The following XYLB variants were observed in gnomAD, a reference collection of about 807,000 sequenced individuals.
The protein encoded by XYLB is xylulokinase.
A neutral mutation model predicts 78.7 loss-of-function variants in XYLB; 62 were observed. The observed-to-expected ratio is 0.79, with a 90% confidence interval of 0.64 to 0.97. XYLB has a LOEUF of 0.97. Ranked by LOEUF, XYLB falls within the 50% of genes least tolerant of loss-of-function variation. The pLI is 0.00. For missense variants in XYLB, 687 were observed against 676.8 expected (o/e 1.02, Z -0.17); for synonymous variants, 245 against 247.4 (o/e 0.99, Z 0.09).
At position 38,410,075 on chromosome 3, in the gene XYLB, A is replaced by G. The variant is rs1474717357; in HGVS notation, c.1534-2861A>G. On this transcript the variant is annotated intron_variant, in intron 18 of 18. Transcript: ENST00000207870. ...AACCAAAAAAGAGCCCGCATCGCCA[A>G]GTCAATCCTAAGCCAAAAGAACAAA... Among the ~76,000 whole-genome samples, 4 of 152,236 alleles carry G rather than the reference A, an allele frequency of 2.6e-5. No homozygotes were observed. In the East Asian group the frequency reaches 7.7e-4, roughly 29 times the overall value.
At position 38,351,120 on chromosome 3, in the gene XYLB, C is replaced by T. The variant is rs532127497; in HGVS notation, c.140+2488C>T. Among the ~76,000 whole-genome samples the T allele has an allele frequency of 3.0e-5, 4 of 131,972 alleles. No individual in the cohort carries two copies. In the East Asian group the frequency reaches 9.0e-4, roughly 30 times the overall value. 86.6% of individuals were successfully genotyped at this position (131,972 alleles called of 152,430 possible). A position where few individuals can be genotyped will look rare whatever the true frequency, so the allele number is the denominator to read the frequency against. On this transcript the variant is annotated intron_variant, in intron 2 of 18. Coordinates refer to ENST00000207870, the MANE Select transcript of XYLB (RefSeq NM_005108.4). ...TGTGGAGAGGGAGGTTTCGGTGAGC[C>T]AAGATCGCGCCACTGCACTCCAGCC... is the stretch of plus-strand genomic sequence containing the variant.
At chr3:38,409,538 G>A (rs1339196073) in intron 18 of XYLB, among the ~76,000 whole-genome samples, 1 of 152,158 alleles carries the variant, frequency 6.6e-6, no homozygotes, top group African/African-American at 2.4e-5. Flanking sequence ...TCTGGCCAGG[G>A]CAATTAGGCA....
chr3:38,357,775 A>G (rs183029976), intron 2 of XYLB, among the ~76,000 whole-genome samples: 1 of 28,266 alleles, frequency 3.5e-5, no homozygotes, highest in Non-Finnish European at 7.1e-5. Flanking sequence ...TTTGATTTGC[A>G]TTTATCTAAT....
intron 17 of XYLB, among the ~76,000 whole-genome samples, chr3:38,397,598 T>G (rs572131346): frequency 1.2e-3 from 177 of 152,176 alleles, no homozygotes; most frequent in African/African-American, 4.1e-3. Context: ...TGGAGCCCTG[T>G]TGCCCTGTTG....
intron 18 of XYLB, among the ~76,000 whole-genome samples, chr3:38,407,630 A>G (rs1476734788): frequency 2.0e-5 from 3 of 152,328 alleles, no homozygotes; most frequent in African/African-American, 4.8e-5. Context: ...TGCTGTATTC[A>G]GGAAACCCAT....
the XYLB span, among the ~76,000 whole-genome samples, chr3:38,444,058 T>C: frequency 6.6e-6 from 1 of 152,228 alleles, no homozygotes; most frequent in Admixed American, 6.5e-5. Flanking sequence ...ATCTCCAAAC[T>C]CTCGGGTTGC....
At chr3:38,363,930 C>T (rs1378850355) in intron 4 of XYLB, among the ~76,000 whole-genome samples, 5 of 152,150 alleles carry the variant, frequency 3.3e-5, no homozygotes, top group Non-Finnish European at 7.4e-5. Context: ...TCTGAAGATG[C>T]TTCTTCCTCC....
In XYLB at chr3:38,380,481, T is replaced by C. The variant is rs140434111; in HGVS notation, c.1291+1139T>C. ...CTATAGCTGTTGTCATTAGAGAAGA[T>C]AGTGAAGCTGCTTTGCTTGAGGGCC... On this transcript the variant is annotated intron_variant, in intron 15 of 18. Coordinates refer to ENST00000207870, the MANE Select transcript of XYLB (RefSeq NM_005108.4). Among the ~76,000 whole-genome samples, 1,315 of 152,276 alleles carry C rather than the reference T, an allele frequency of 8.6e-3. 18 individuals are homozygous for C. Among genetic ancestry groups the C allele is most frequent in the African/African-American group, 0.029 (1,219 of 41,544 alleles).
At position 38,351,171 on chromosome 3, in the gene XYLB, C is replaced by CAAAAAAAAAAAAAAAAAAA. The variant is rs58457623; in HGVS notation, c.140+2549_140+2567dup. 1.2e-3 allele frequency among the ~76,000 whole-genome samples: 28 copies of CAAAAAAAAAAAAAAAAAAA among 23,082 alleles called. 1 individual carries two copies. The highest frequency in any genetic ancestry group is 3.3e-3 in the East Asian group (3 of 898). 15.1% of individuals were successfully genotyped at this position (23,082 alleles called of 152,430 possible). On this transcript the variant is annotated intron_variant, in intron 2 of 18. Transcript: ENST00000207870. The stretch of plus-strand genomic sequence containing the variant: ...TGGACAACAGAGGGAGAGCCTGTCT[C>CAAAAAAAAAAAAAAAAAAA]AAAAAAAAAAAAAAAAAAAAAAAAA...
intron 3 of XYLB, among the ~76,000 whole-genome samples, chr3:38,361,339 G>A (rs904279312): frequency 6.6e-6 from 1 of 152,218 alleles, no homozygotes; most frequent in Admixed American, 6.5e-5. Flanking sequence ...CTGGAGGCCA[G>A]CTAAGTGTGT....
At chr3:38,447,171 T>C in the XYLB span, among the ~76,000 whole-genome samples, 2 of 152,104 alleles carry the variant, frequency 1.3e-5, no homozygotes, top group African/African-American at 4.8e-5. Flanking sequence ...TATGAAAAAA[T>C]GCTCAATGTC....
intron 9 of XYLB, among the ~76,000 whole-genome samples, chr3:38,371,196 A>G (rs1035448354): frequency 2.0e-5 from 3 of 151,630 alleles, no homozygotes; most frequent in African/African-American, 7.3e-5. Context: ...GCAGCCACCA[A>G]CTCCTGGGCT....
the XYLB span, among the ~76,000 whole-genome samples, chr3:38,428,766 G>T: frequency 6.6e-6 from 1 of 152,106 alleles, no homozygotes; most frequent in South Asian, 2.1e-4. Flanking sequence ...TATTGATGTG[G>T]TTTCTTTAAA....
chr3:38,411,710 T>A (rs1025910749), intron 18 of XYLB, among the ~76,000 whole-genome samples: 1 of 151,894 alleles, frequency 6.6e-6, no homozygotes, highest in Non-Finnish European at 1.5e-5. Flanking sequence ...ACTTTCTAGC[T>A]CTGTTTTCCT....
At chr3:38,369,158 G>T (rs1327920910) in intron 8 of XYLB, among the ~76,000 whole-genome samples, 3 of 152,138 alleles carry the variant, frequency 2.0e-5, no homozygotes, top group Non-Finnish European at 2.9e-5. Flanking sequence ...GGAAGTTTTC[G>T]AGGGCTGTTG....
At chr3:38,441,345 G>T in the XYLB span, among the ~76,000 whole-genome samples, 1 of 152,354 alleles carries the variant, frequency 6.6e-6, no homozygotes, top group East Asian at 1.9e-4. Context: ...TGGGGGAAGA[G>T]GCTTACTTTC....
chr3:38,358,357 G>T (rs7374129), intron 2 of XYLB, among the ~76,000 whole-genome samples: 2,952 of 89,720 alleles, frequency 0.033, 290 homozygotes, highest in East Asian at 0.14. Flanking sequence ...GTGTGTGTGT[G>T]TTTGAGACAG....
intron 2 of XYLB, among the ~76,000 whole-genome samples, chr3:38,353,873 T>C (rs6799458): frequency 0.049 from 4,684 of 96,522 alleles, 110 homozygotes; most frequent in Middle Eastern, 0.088. Flanking sequence ...GGTGACAAAG[T>C]GAGACTCCAT....
downstream of XYLB, among the ~76,000 whole-genome samples, chr3:38,422,547 A>C (rs537894219): frequency 6.6e-6 from 1 of 152,188 alleles, no homozygotes; most frequent in South Asian, 2.1e-4. Context: ...TGGCCAATTC[A>C]ATCCGCTCAA....
Sources: allele counts gnomAD v4.1 joint callset (sites outside exome capture counted in the v4.1 genomes callset), GRCh38; gene constraint gnomAD v4.1.1; transcripts MANE v1.5; gene names NCBI Gene and HGNC (gene_info 2026-07-23, HGNC 2026-07-21).